The following D2HGDH variants were observed in gnomAD, a reference collection of about 807,000 sequenced individuals.
The protein encoded by D2HGDH is D-2-hydroxyglutarate dehydrogenase, mitochondrial.
D2HGDH carries 31 observed loss-of-function variants against 46.9 expected under a neutral mutation model. That is an observed-to-expected ratio of 0.66 (90% CI 0.50 to 0.89). The LOEUF is 0.89. Among genes scored for constraint, D2HGDH ranks in the 40% least tolerant of loss-of-function variants. The probability of loss-of-function intolerance (pLI) is 0.00; values close to 1 mark genes in which losing one functional copy is unlikely to be tolerated. For synonymous variants in D2HGDH, 364 were observed against 332.6 expected (o/e 1.09, Z -1.03); for missense variants, 698 against 720.8 (o/e 0.97, Z 0.36).
At chr2:241,757,189 A>C (rs959497911) in intron 9 of D2HGDH, among the ~76,000 whole-genome samples, 5 of 152,208 alleles carry the variant, frequency 3.3e-5, no homozygotes, top group African/African-American at 1.2e-4. Context: ...TCCCTTTTAC[A>C]CACATGTAAA....
At position 241,762,869 on chromosome 2, in the gene D2HGDH, T is replaced by C. The variant is rs191917980; in HGVS notation, c.1307-4841T>C. Among the ~76,000 whole-genome samples the C allele has an allele frequency of 3.9e-5, 6 of 152,376 alleles. No individual in the cohort carries two copies. The East Asian group carries it at 1.2e-3, about 29-fold the overall frequency. ...TTACACATGACACGTTTGTGTTCTGTGTCTGGAAATGACAGCGTCTGAGGT... is the reference window on the plus strand; with the variant it reads ...TTACACATGACACGTTTGTGTTCTGCGTCTGGAAATGACAGCGTCTGAGGT... On this transcript the variant is annotated intron_variant, in intron 9 of 9. Transcript: ENST00000321264.
chr2:241,754,040 C>T (rs1196158097), intron 8 of D2HGDH, among the ~76,000 whole-genome samples: 2 of 152,194 alleles, frequency 1.3e-5, no homozygotes. Flanking sequence ...GGTGCAGGAG[C>T]ACCAAGACCC....
At chr2:241,757,067 G>A (rs1042780087) in intron 9 of D2HGDH, among the ~76,000 whole-genome samples, 7 of 152,186 alleles carry the variant, frequency 4.6e-5, no homozygotes, top group African/African-American at 1.2e-4. Context: ...TGTACGTGAC[G>A]ACAATAACAC....
intron 6 of D2HGDH, among the ~76,000 whole-genome samples, chr2:241,746,830 G>A (rs779119318): frequency 2.0e-5 from 3 of 151,660 alleles, no homozygotes; most frequent in Non-Finnish European, 2.9e-5. Context: ...AGAGGTTACA[G>A]TGGGCTGAGA....
chr2:241,749,833 G>C, intron 6 of D2HGDH: 1 of 408,944 alleles, frequency 2.4e-6, no homozygotes, highest in Non-Finnish European at 4.7e-6. Flanking sequence ...TCTGATGCTG[G>C]TGGTGACACC....
In D2HGDH at chr2:241,734,656, CG is replaced by C. The variant is rs1395329328; in HGVS notation, c.-130del. Reference sequence around the variant, plus strand: ...CTCCGGCTCGGCGGCTCTGGGCCTGCGGCGGGCGCTGCGGGTTGGAGCTCGG... The same window carrying C: ...CTCCGGCTCGGCGGCTCTGGGCCTGCGCGGGCGCTGCGGGTTGGAGCTCGG... On this transcript the variant is annotated 5_prime_UTR_variant, in exon 1 of 10. Coordinates refer to ENST00000321264, the MANE Select transcript of D2HGDH (RefSeq NM_152783.5). 8 of 151,498 alleles carry C rather than the reference CG, an allele frequency of 5.3e-5. No homozygotes were observed. The highest frequency in any genetic ancestry group is 1.9e-4 in the African/African-American group (8 of 41,334). The allele number at this position is 151,498 out of a possible 1,614,324, so 9.4% of individuals were successfully genotyped here.
intron 8 of D2HGDH, chr2:241,755,108 C>T: frequency 1.5e-6 from 2 of 1,304,116 alleles, no homozygotes; most frequent in Non-Finnish European, 2.0e-6. Context: ...TCTGTCTGAG[C>T]CCTAGGATTT....
At chr2:241,751,766 T>C (rs1697247625) in intron 8 of D2HGDH, among the ~76,000 whole-genome samples, 1 of 152,098 alleles carries the variant, frequency 6.6e-6, no homozygotes, top group Non-Finnish European at 1.5e-5. Flanking sequence ...TGTGGAGGCT[T>C]AGCCTGGACC....
chr2:241,755,764 C>A, intron 8 of D2HGDH, 85 bp from the exon 9 acceptor site: 4 of 1,610,596 alleles, frequency 2.5e-6, no homozygotes, highest in Non-Finnish European at 3.4e-6. Flanking sequence ...GAACATGCTG[C>A]TGCCCTAACC....
chr2:241,747,719 C>T (rs1696247189), intron 6 of D2HGDH, among the ~76,000 whole-genome samples: 1 of 152,030 alleles, frequency 6.6e-6, no homozygotes, highest in Admixed American at 6.6e-5. Flanking sequence ...TACCACCATA[C>T]CTGGCTACAT....
rs191615354 is a variant in D2HGDH, at chr2:241,741,002, G to A, written c.293-31G>A. 40 of 1,601,106 alleles carry A rather than the reference G, an allele frequency of 2.5e-5. No homozygotes were observed. The Middle Eastern group carries it at 5.0e-4, about 20-fold the overall frequency. On this transcript the variant is annotated intron_variant, in intron 2 of 9. Transcript: ENST00000321264. Reference sequence around the variant, plus strand: ...TTGCCTCATCTGCAGCTCCCCCCACGCTGTCTCATAGGATCTTCTTCCTGT... The same window carrying A: ...TTGCCTCATCTGCAGCTCCCCCCACACTGTCTCATAGGATCTTCTTCCTGT...
In D2HGDH at chr2:241,735,093, A is replaced by G. The variant is rs1692391551; in HGVS notation, c.-92-40A>G. ...TCTGCAAGCGTGTTTCAATTTGTAC[A>G]ACGTGCATAAAACATGAAATTACCC... On this transcript the variant is annotated intron_variant, in intron 1 of 9. Transcript: ENST00000321264. 2 of 982,674 alleles carry G rather than the reference A, an allele frequency of 2.0e-6. 1 individual carries two copies. The highest frequency in any genetic ancestry group is 3.8e-5 in the South Asian group (2 of 53,162). The allele number at this position is 982,674 out of a possible 1,614,324, so 60.9% of individuals were successfully genotyped here.
chr2:241,754,959 G>A, intron 8 of D2HGDH: 1 of 1,190,966 alleles, frequency 8.4e-7, no homozygotes, highest in Non-Finnish European at 1.1e-6. Flanking sequence ...GCAGGTGCTG[G>A]GCTTGAGCCC....
chr2:241,761,398 G>T (rs1040155174), intron 9 of D2HGDH, among the ~76,000 whole-genome samples: 2 of 152,098 alleles, frequency 1.3e-5, no homozygotes, highest in African/African-American at 4.8e-5. Context: ...AATTAGCCAG[G>T]CATGGTGGCG....
Position 241,768,332 on chromosome 2 carries a change from T to C in D2HGDH, c.*363T>C, listed in dbSNP as rs901328137. 11 of 247,380 alleles carry C rather than the reference T, an allele frequency of 4.4e-5. No individual in the cohort carries two copies. The highest frequency in any genetic ancestry group is 8.7e-5 in the Non-Finnish European group (11 of 127,112). The allele number at this position is 247,380 out of a possible 1,614,324, so 15.3% of individuals were successfully genotyped here. ...CTGGGGAGCAGGCGCTGGGTGGTGG[T>C]TCTGCCTGCTTGCTGCTCGTTCCCC... On this transcript the variant is annotated 3_prime_UTR_variant, in exon 10 of 10. Coordinates refer to ENST00000321264, the MANE Select transcript of D2HGDH (RefSeq NM_152783.5).
chr2:241,742,357 GGTCCTGCGGCGT>G lies in D2HGDH; in HGVS notation c.351-72_351-61del. ...TAATCAGGATTTGGAGTCAGGCACTGGTCCTGCGGCGTGTCCTTGGGGATGGTGGCGTAGGGG... is the reference window on the plus strand; with the variant it reads ...TAATCAGGATTTGGAGTCAGGCACTGGTCCTTGGGGATGGTGGCGTAGGGG... On this transcript the variant is annotated intron_variant, in intron 3 of 9. Coordinates refer to ENST00000321264, the MANE Select transcript of D2HGDH (RefSeq NM_152783.5). This position sits in a 1 kb window ranked among gnomAD's most constrained non-coding sequence, Gnocchi z 4.8. 6.6e-7 allele frequency: 1 copy of G among 1,515,076 alleles called. No homozygotes were observed. The highest frequency in any genetic ancestry group is 8.9e-7 in the Non-Finnish European group (1 of 1,122,752). 93.9% of individuals were successfully genotyped at this position (1,515,076 alleles called of 1,614,324 possible).
intron 6 of D2HGDH, chr2:241,749,176 A>G (rs1696643293): frequency 3.6e-6 from 3 of 827,096 alleles, no homozygotes; most frequent in Admixed American, 4.6e-5. Flanking sequence ...CCCAGTCCCC[A>G]CCGCCAGACC....
chr2:241,758,233 C>G (rs535240156), intron 9 of D2HGDH, among the ~76,000 whole-genome samples: 1 of 152,222 alleles, frequency 6.6e-6, no homozygotes, highest in South Asian at 2.1e-4. Context: ...TTTCTTCTGT[C>G]CATGCTGGAT....
At chr2:241,751,483 A>G in intron 8 of D2HGDH, 95 bp downstream of exon 8, 1 of 1,551,304 alleles carries the variant, frequency 6.4e-7, no homozygotes. Flanking sequence ...CAGCCTAGAC[A>G]GTGTGGGATG....
Sources: allele counts gnomAD v4.1 joint callset (sites outside exome capture counted in the v4.1 genomes callset), GRCh38; gene constraint gnomAD v4.1.1; non-coding constraint Gnocchi (gnomAD v3.1); transcripts MANE v1.5; gene names NCBI Gene and HGNC (gene_info 2026-07-23, HGNC 2026-07-21).